The following EDC3 variants were observed in gnomAD, a reference collection of about 807,000 sequenced individuals.
EDC3 encodes the protein enhancer of mRNA decapping 3, also known as enhancer of mRNA-decapping protein 3.
Under a neutral mutation model 41.8 loss-of-function variants are expected in EDC3, and 20 were observed. The observed-to-expected ratio is 0.48, with a 90% CI of 0.34 to 0.70. The LOEUF is 0.70. Ranked by LOEUF, EDC3 falls within the 30% of genes least tolerant of loss-of-function variation. EDC3 has a pLI of 0.01. For missense variants in EDC3, 444 were observed against 636.8 expected (o/e 0.70, Z 3.26); for synonymous variants, 206 against 243.2 (o/e 0.85, Z 1.42).
At chr15:74,692,475 CAG>C (rs2063018474) in intron 1 of EDC3, among the ~76,000 whole-genome samples, 1 of 152,048 alleles carries the variant, frequency 6.6e-6, no homozygotes, top group African/African-American at 2.4e-5. Flanking sequence ...TTTCAGAAAA[CAG>C]AGGAGGAAGG....
At chr15:74,676,451 T>C (rs750330608) in intron 1 of EDC3, among the ~76,000 whole-genome samples, 4 of 151,930 alleles carry the variant, frequency 2.6e-5, no homozygotes, top group African/African-American at 9.7e-5. Flanking sequence ...TCTTTGAAAA[T>C]ATTAATAAAG....
chr15:74,666,471 A>G (rs1265785963), intron 3 of EDC3, among the ~76,000 whole-genome samples: 1 of 152,242 alleles, frequency 6.6e-6, no homozygotes, highest in Non-Finnish European at 1.5e-5. Context: ...GAATGGGTAA[A>G]CAAATTGATA....
chr15:74,693,603 C>T (rs184116038), intron 1 of EDC3, among the ~76,000 whole-genome samples: 153 of 152,234 alleles, frequency 1.0e-3, no homozygotes, highest in African/African-American at 3.7e-3. Flanking sequence ...CAAATCAAAC[C>T]TCTCCATACA....
chr15:74,637,086 T>C (rs1486940779), intron 5 of EDC3: 1 of 152,216 alleles, frequency 6.6e-6, no homozygotes, highest in African/African-American at 2.4e-5. Flanking sequence ...ACAGGGCTAT[T>C]ATTTAGCTTT....
rs2141582782 is a variant in EDC3 at position 74,640,567 on chromosome 15, C to T, written c.873G>A (p.Leu291=). Residue 291 remains leucine (L), a synonymous_variant, in exon 5 of 7, where the codon TTG becomes TTA. Transcript: ENST00000315127. ...SISYELHKKL[L]SVAEKHGLTL... ...TCAGCCCATGCTTCTCAGCCACGGA[C>T]AACAGCTTTTTATGCAGCTCATAGG... 6.2e-7 allele frequency: 1 copy of T among 1,614,204 alleles called. No individual in the cohort carries two copies. The highest frequency in any genetic ancestry group is 2.2e-5 in the East Asian group (1 of 44,884).
At chr15:74,686,235 G>T (rs1220332243) in intron 1 of EDC3, among the ~76,000 whole-genome samples, 1 of 152,096 alleles carries the variant, frequency 6.6e-6, no homozygotes, top group African/African-American at 2.4e-5. Flanking sequence ...TGAAGCAGGA[G>T]AATCGCTTGA....
chr15:74,695,560 C>A (rs2063055397), intron 1 of EDC3: 1 of 152,138 alleles, frequency 6.6e-6, no homozygotes, highest in Non-Finnish European at 1.5e-5. Context: ...AACTGAGGCA[C>A]GAAGAACAGA....
At chr15:74,685,810 A>C (rs2062930701) in intron 1 of EDC3, among the ~76,000 whole-genome samples, 1 of 152,220 alleles carries the variant, frequency 6.6e-6, no homozygotes, top group Non-Finnish European at 1.5e-5. Flanking sequence ...TTTTACATTA[A>C]AAAAAGAAAC....
intron 4 of EDC3, among the ~76,000 whole-genome samples, chr15:74,655,250 C>G (rs192116658): frequency 2.0e-5 from 3 of 152,332 alleles, no homozygotes; most frequent in Admixed American, 2.0e-4. Context: ...CCTGGGCTAA[C>G]AGGAGATAAG....
At chr15:74,673,712 C>G in intron 2 of EDC3, among the ~76,000 whole-genome samples, 1 of 151,940 alleles carries the variant, frequency 6.6e-6, no homozygotes, top group Non-Finnish European at 1.5e-5. Context: ...TGGTGGCGGG[C>G]ACCTGCAGTC....
intron 1 of EDC3, among the ~76,000 whole-genome samples, chr15:74,692,462 C>G (rs1596338701): frequency 2.6e-5 from 4 of 152,214 alleles, no homozygotes; most frequent in Non-Finnish European, 2.9e-5. Flanking sequence ...CCTACACAAA[C>G]TATTTCAGAA....
intron 4 of EDC3, among the ~76,000 whole-genome samples, chr15:74,653,966 T>G (rs574122461): frequency 2.6e-5 from 4 of 152,054 alleles, no homozygotes; most frequent in Admixed American, 6.6e-5. Context: ...AATCCTGCAG[T>G]GTAGGGCTGG....
chr15:74,670,096 G>A (rs888910593), intron 3 of EDC3, among the ~76,000 whole-genome samples: 6 of 146,954 alleles, frequency 4.1e-5, no homozygotes, highest in East Asian at 2.0e-4. Context: ...GGGCTCAAGC[G>A]ATCCACCTGC....
chr15:74,642,569 CT>C (rs1339439481), intron 4 of EDC3: 1 of 152,266 alleles, frequency 6.6e-6, no homozygotes, highest in African/African-American at 2.4e-5. Context: ...TTCAAACACC[CT>C]CTTTACCTGC....
Position 74,632,998 on chromosome 15 carries a change from C to T in EDC3, c.1193-52G>A, listed in dbSNP as rs1415558714. The T allele has an allele frequency of 6.3e-7, 1 of 1,576,378 alleles. No individual in the cohort carries two copies. Among genetic ancestry groups the T allele is most frequent in the Admixed American group, 1.7e-5 (1 of 58,072 alleles). ...AAGTCCCTATGAGCAGAGAGCAGCC[C>T]AGGCTGGGACTAGGGCCCAGGTCAC... On this transcript the variant is annotated intron_variant, in intron 6 of 6. Coordinates refer to ENST00000315127, the MANE Select transcript of EDC3 (RefSeq NM_025083.5). This position sits in a 1 kb window ranked among gnomAD's most constrained non-coding sequence, Gnocchi z 4.0.
intron 4 of EDC3, among the ~76,000 whole-genome samples, chr15:74,649,594 T>C (rs2062457226): frequency 6.6e-6 from 1 of 152,208 alleles, no homozygotes; most frequent in African/African-American, 2.4e-5. Context: ...AAATTCACAT[T>C]TGAAGTCAAA....
chr15:74,649,580 T>C (rs1596308647), intron 4 of EDC3, among the ~76,000 whole-genome samples: 1 of 152,314 alleles, frequency 6.6e-6, no homozygotes, highest in African/African-American at 2.4e-5. Context: ...GAGGTGGCCT[T>C]TGCAAATTCA....
At chr15:74,652,636 C>T (rs2062495189) in intron 4 of EDC3, among the ~76,000 whole-genome samples, 1 of 151,768 alleles carries the variant, frequency 6.6e-6, no homozygotes, top group South Asian at 2.1e-4. Context: ...GGCTGGAGTA[C>T]AGTGGCATGA....
rs537570610 is a variant in EDC3 at position 74,657,646 on chromosome 15, G to T, written c.485-1578C>A. 2.0e-5 allele frequency among the ~76,000 whole-genome samples: 3 copies of T among 152,312 alleles called. No homozygotes were observed. In the East Asian group the frequency reaches 5.8e-4, roughly 29 times the overall value. On this transcript the variant is annotated intron_variant, in intron 3 of 6. Transcript: ENST00000315127. ...AAAAGAAGGCCTGGTCTTATAGCCTGAAGCTTGTAGGAAAATACTATTCAG... is the reference window on the plus strand; with the variant it reads ...AAAAGAAGGCCTGGTCTTATAGCCTTAAGCTTGTAGGAAAATACTATTCAG...
Sources: gnomAD v4.1 joint callset for allele counts (sites outside exome capture counted in the v4.1 genomes callset) on GRCh38, gnomAD v4.1.1 for gene constraint, Gnocchi (gnomAD v3.1) non-coding constraint, MANE v1.5 for transcripts, NCBI Gene and HGNC (gene_info 2026-07-23, HGNC 2026-07-21) for gene names.